The following CRPPA variants were observed in gnomAD, a reference collection of about 807,000 sequenced individuals.
CRPPA encodes the protein CDP-L-ribitol pyrophosphorylase A.
In CRPPA, 43 loss-of-function variants were observed where a neutral mutation model predicts 52.0. The observed-to-expected ratio is 0.83, with a 90% CI of 0.65 to 1.07. The LOEUF (loss-of-function observed/expected upper bound fraction) is 1.07. CRPPA is among the 50% of genes least tolerant of loss of function. The pLI, the probability that CRPPA is intolerant of heterozygous loss-of-function variation, is 0.00. For synonymous variants in CRPPA, 250 were observed against 203.5 expected, an observed-to-expected ratio of 1.23 and a Z score of -1.94; for missense variants, 629 against 551.7, an observed-to-expected ratio of 1.14 and a Z score of -1.40.
At chr7:16,168,676 A>G (rs1341521776) in intron 9 of CRPPA, among the ~76,000 whole-genome samples, 1 of 152,136 alleles carries the variant, frequency 6.6e-6, no homozygotes, top group African/African-American at 2.4e-5. Context: ...TCAACCAGAA[A>G]TATTAGGGTA....
At chr7:16,372,877 T>G (rs923506436) in intron 3 of CRPPA, among the ~76,000 whole-genome samples, 1 of 152,076 alleles carries the variant, frequency 6.6e-6, no homozygotes, top group African/African-American at 2.4e-5. Flanking sequence ...AAACCAAAAG[T>G]GGGCAGGAGT....
intron 9 of CRPPA, among the ~76,000 whole-genome samples, chr7:16,182,373 T>C (rs1781429211): frequency 6.6e-6 from 1 of 152,122 alleles, no homozygotes; most frequent in Non-Finnish European, 1.5e-5. Flanking sequence ...AAATTCCTTG[T>C]TTAACAGAAA....
intron 1 of CRPPA, among the ~76,000 whole-genome samples, chr7:16,407,031 A>G (rs930495505): frequency 4.9e-4 from 75 of 152,336 alleles, no homozygotes; most frequent in African/African-American, 1.6e-3. Context: ...GCTGGAATAC[A>G]GTGGCACCAT....
chr7:16,175,146 T>A (rs1049865926), intron 9 of CRPPA, among the ~76,000 whole-genome samples: 4 of 152,140 alleles, frequency 2.6e-5, no homozygotes, highest in Admixed American at 6.6e-5. Context: ...TTAAATAAAT[T>A]TGCACATATA....
intron 4 of CRPPA, among the ~76,000 whole-genome samples, chr7:16,303,611 A>T (rs1316407080): frequency 6.6e-6 from 1 of 151,980 alleles, no homozygotes; most frequent in Non-Finnish European, 1.5e-5. Flanking sequence ...CATTTCAAAG[A>T]TAATAGAATG....
intron 9 of CRPPA, among the ~76,000 whole-genome samples, chr7:16,209,888 C>A (rs1016497274): frequency 6.6e-6 from 1 of 152,118 alleles, no homozygotes; most frequent in African/African-American, 2.4e-5. Flanking sequence ...TACTGAAGAA[C>A]AAGAACTTAA....
At chr7:16,349,403 A>T (rs895704593) in intron 3 of CRPPA, among the ~76,000 whole-genome samples, 1 of 152,194 alleles carries the variant, frequency 6.6e-6, no homozygotes, top group Non-Finnish European at 1.5e-5. Context: ...AAGAAAATGA[A>T]AAAGCAGAAA....
intron 2 of CRPPA, among the ~76,000 whole-genome samples, chr7:16,384,902 C>G (rs1408519869): frequency 6.6e-6 from 1 of 152,142 alleles, no homozygotes; most frequent in Non-Finnish European, 1.5e-5. Flanking sequence ...TCAGAATCAG[C>G]TATTATAAAT....
intron 9 of CRPPA, among the ~76,000 whole-genome samples, chr7:16,124,027 C>T (rs1281329165): frequency 6.6e-6 from 1 of 151,954 alleles, no homozygotes; most frequent in Admixed American, 6.6e-5. Context: ...GTGCAGATAT[C>T]CCTATCACAT....
chr7:16,147,230 G>T (rs1782991141), intron 9 of CRPPA, among the ~76,000 whole-genome samples: 1 of 151,964 alleles, frequency 6.6e-6, no homozygotes, highest in Non-Finnish European at 1.5e-5. Flanking sequence ...CTCAGTCTTG[G>T]GTATATCTTT....
At chr7:16,264,412 A>C (rs1783897926) in intron 6 of CRPPA, among the ~76,000 whole-genome samples, 1 of 152,218 alleles carries the variant, frequency 6.6e-6, no homozygotes. Flanking sequence ...ATCATAACAA[A>C]TAAGAGTTTA....
intron 4 of CRPPA, among the ~76,000 whole-genome samples, chr7:16,301,965 A>G (rs1157729909): frequency 6.6e-6 from 1 of 152,162 alleles, no homozygotes; most frequent in Admixed American, 6.5e-5. Context: ...GATTTTTATT[A>G]AAAATGTGGC....
intron 9 of CRPPA, among the ~76,000 whole-genome samples, chr7:16,135,018 A>G (rs1018756405): frequency 3.3e-5 from 5 of 152,228 alleles, no homozygotes; most frequent in Admixed American, 3.3e-4. Flanking sequence ...ACACTATATT[A>G]AATTCATAAA....
intron 5 of CRPPA, among the ~76,000 whole-genome samples, chr7:16,286,502 C>G (rs1405272825): frequency 2.0e-5 from 3 of 152,102 alleles, no homozygotes; most frequent in Non-Finnish European, 2.9e-5. Flanking sequence ...AGGTTCTCAT[C>G]ATAGGATTCC....
chr7:16,288,475 C>T (rs1182856245), intron 5 of CRPPA, among the ~76,000 whole-genome samples: 3 of 151,572 alleles, frequency 2.0e-5, no homozygotes, highest in Non-Finnish European at 2.9e-5. Context: ...GATGATGCAA[C>T]CCAAAGAATT....
intron 9 of CRPPA, among the ~76,000 whole-genome samples, chr7:16,149,615 T>TAAGCTAAATTCTG (rs1412750672): frequency 6.6e-6 from 1 of 152,244 alleles, no homozygotes; most frequent in Non-Finnish European, 1.5e-5. Context: ...AGCATGCCTC[T>TAAGCTAAATTCTG]AAGCTAAATT....
intron 2 of CRPPA, among the ~76,000 whole-genome samples, chr7:16,391,193 C>A (rs978028120): frequency 1.3e-5 from 2 of 151,522 alleles, no homozygotes; most frequent in Non-Finnish European, 2.9e-5. Flanking sequence ...GCCTCCAAAC[C>A]TGTTCCTACA....
rs1254653540 is a variant in CRPPA, at chr7:16,308,535, A to G, written c.777T>C (p.Pro259=). The part of the protein sequence containing the change: ...CTKAKLVEGS[P]DLWKVTYKRD... ...TCATCCCTCTTACCTTCCAGAGGTC[A>G]GGTGATCCTTCTACAAGTTTGGCTT... Residue 259 remains proline, a synonymous_variant, in exon 4 of 10, where the codon CCT becomes CCC. Transcript: ENST00000407010. The G allele has an allele frequency of 5.6e-6, 9 of 1,594,486 alleles. No individual in the cohort carries two copies. The highest frequency in any genetic ancestry group is 6.9e-6 in the Non-Finnish European group (8 of 1,164,224).
chr7:16,326,232 C>G (rs1162264006), intron 3 of CRPPA, among the ~76,000 whole-genome samples: 2 of 152,108 alleles, frequency 1.3e-5, no homozygotes, highest in Non-Finnish European at 2.9e-5. Context: ...AGCATATTCT[C>G]TCCCAAAGGA....
Sources: allele counts gnomAD v4.1 joint callset (sites outside exome capture counted in the v4.1 genomes callset), GRCh38; gene constraint gnomAD v4.1.1; transcripts MANE v1.5; gene names NCBI Gene and HGNC (gene_info 2026-07-23, HGNC 2026-07-21).